HSPBAP1: variants seen among roughly 807,000 people sequenced by gnomAD.
HSPBAP1 encodes HSPB1-associated protein 1.
Under a neutral mutation model 45.2 loss-of-function variants are expected in HSPBAP1, and 27 were observed. The ratio of observed to expected loss-of-function variants is 0.60; its 90% CI spans 0.44 to 0.82. The LOEUF is 0.82. HSPBAP1 is among the 40% of genes least tolerant of loss of function. The pLI, the probability that HSPBAP1 is intolerant of heterozygous loss-of-function variation, is 0.00. For synonymous variants in HSPBAP1, 204 were observed against 202.7 expected (o/e 1.01, Z -0.06); for missense variants, 510 against 590.9 (o/e 0.86, Z 1.42).
chr3:122,768,598 C>T, intron 3 of HSPBAP1, 103 bp downstream of exon 3: 1 of 741,772 alleles, frequency 1.3e-6, no homozygotes, highest in Admixed American at 2.6e-5. Flanking sequence ...ATGGCGATTA[C>T]TTATGAGAGA....
intron 3 of HSPBAP1, among the ~76,000 whole-genome samples, chr3:122,764,191 CAA>C (rs1934694642): frequency 6.6e-6 from 1 of 152,204 alleles, no homozygotes; most frequent in Admixed American, 6.5e-5. Flanking sequence ...TTTATTCCTG[CAA>C]ACTGCTAACA....
chr3:122,781,536 C>G (rs1483308589), intron 1 of HSPBAP1, among the ~76,000 whole-genome samples: 2 of 152,270 alleles, frequency 1.3e-5, no homozygotes, highest in Admixed American at 6.5e-5. Context: ...GCACCAGAGG[C>G]AGACCGTAGG....
intron 6 of HSPBAP1, among the ~76,000 whole-genome samples, chr3:122,747,069 C>T (rs570390116): frequency 1.8e-4 from 27 of 152,232 alleles, no homozygotes; most frequent in Non-Finnish European, 3.1e-4. Context: ...TCTGCCCGGC[C>T]GCCACCCCAT....
At chr3:122,752,570 A>AC in intron 6 of HSPBAP1, 21 bp downstream of exon 6, 3 of 1,500,070 alleles carry the variant, frequency 2.0e-6, no homozygotes, top group Non-Finnish European at 2.7e-6. Context: ...TAAAAAAAAA[A>AC]AAAAAACAAC....
intron 1 of HSPBAP1, among the ~76,000 whole-genome samples, chr3:122,783,861 C>T (rs1185164966): frequency 1.3e-5 from 2 of 150,870 alleles, no homozygotes; most frequent in South Asian, 2.1e-4. Flanking sequence ...GACGGAGTCT[C>T]GCTCTGTCGC....
chr3:122,757,040 G>A (rs972062451), intron 4 of HSPBAP1, among the ~76,000 whole-genome samples: 3 of 152,138 alleles, frequency 2.0e-5, no homozygotes, highest in African/African-American at 7.2e-5. Context: ...GGCTTCTCCA[G>A]ATCCCAGTTC....
chr3:122,740,326 A>G lies in HSPBAP1; in HGVS notation c.*19T>C. On this transcript the variant is annotated 3_prime_UTR_variant, in exon 8 of 8. Coordinates refer to ENST00000306103, the MANE Select transcript of HSPBAP1 (RefSeq NM_024610.6). The stretch of plus-strand genomic sequence containing the variant: ...ATATATTTAAAAAATATTATTTTAA[A>G]AGTCATCTTCCACTTGAATCATAAA... 1 of 1,475,410 alleles carries G rather than the reference A, an allele frequency of 6.8e-7. No individual in the cohort carries two copies. The highest frequency in any genetic ancestry group is 9.1e-7 in the Non-Finnish European group (1 of 1,097,162). 91.4% of individuals were successfully genotyped at this position (1,475,410 alleles called of 1,614,324 possible).
intron 5 of HSPBAP1, chr3:122,754,907 CT>C (rs1934289485): frequency 9.9e-7 from 1 of 1,006,020 alleles, no homozygotes; most frequent in South Asian, 4.7e-5. Flanking sequence ...TGAACAGATA[CT>C]AACTGTGATT....
chr3:122,783,894 G>A (rs1268054296), intron 1 of HSPBAP1, among the ~76,000 whole-genome samples: 1 of 151,920 alleles, frequency 6.6e-6, no homozygotes, highest in Non-Finnish European at 1.5e-5. Context: ...GCAGTGGCGG[G>A]ATCTCGGCTC....
Position 122,740,782 on chromosome 3 carries a change from T to C in HSPBAP1, c.1030A>G (p.Ile344Val). The C allele has an allele frequency of 6.2e-7, 1 of 1,614,144 alleles. No homozygotes were observed. The highest frequency in any genetic ancestry group is 1.1e-5 in the South Asian group (1 of 91,086). Residue 344 changes from isoleucine (I) to valine (V), a missense_variant, in exon 8 of 8, where the codon ATC becomes GTC. By Grantham distance (29) the Ile-to-Val change is conservative. Transcript: ENST00000306103. Reference sequence around the variant, plus strand: ...TCTCCATCTGTTCTCAGTGCTTGGATTTCTACTACCTCAGATGTTCTGCAG... The same window carrying C: ...TCTCCATCTGTTCTCAGTGCTTGGACTTCTACTACCTCAGATGTTCTGCAG... The part of the protein sequence containing the change: ...DRCRTSEVVE[I>V]QALRTDGEHM...
chr3:122,752,667 A>C lies in HSPBAP1; in HGVS notation c.749T>G (p.Phe250Cys). 3 of 1,606,916 alleles carry C rather than the reference A, an allele frequency of 1.9e-6. No homozygotes were observed. Among genetic ancestry groups the C allele is most frequent in the Non-Finnish European group, 1.7e-6 (2 of 1,177,026 alleles). Reference sequence around the variant, plus strand: ...GTAATGCCACCAGTGTCTGGGAACAAAGAGAACCTGAAAACCAAACAAAGA... The same window carrying C: ...GTAATGCCACCAGTGTCTGGGAACACAGAGAACCTGAAAACCAAACAAAGA... The part of the protein sequence containing the change: ...AVTLSPGQVL[F>C]VPRHWWHYVE... The change falls in exon 6 of 8, where the codon TTT becomes TGT. Residue 250 changes from phenylalanine (F) to cysteine (C), a missense_variant. Transcript: ENST00000306103.
At chr3:122,748,303 T>C (rs1310490941) in intron 6 of HSPBAP1, among the ~76,000 whole-genome samples, 1 of 151,994 alleles carries the variant, frequency 6.6e-6, no homozygotes, top group Non-Finnish European at 1.5e-5. Flanking sequence ...CTTGTTTATC[T>C]GCTGACCTTC....
chr3:122,758,263 C>T (rs188476170), intron 4 of HSPBAP1, among the ~76,000 whole-genome samples: 4 of 152,324 alleles, frequency 2.6e-5, no homozygotes, highest in Admixed American at 6.5e-5. Context: ...CATCTGAGTA[C>T]ATCCTCCAAG....
intron 4 of HSPBAP1, among the ~76,000 whole-genome samples, 186 bp downstream of exon 4, chr3:122,759,038 C>T (rs1356021378): frequency 6.6e-6 from 1 of 152,120 alleles, no homozygotes; most frequent in Admixed American, 6.6e-5. Flanking sequence ...TTTAACTGTC[C>T]TCATTTCACA....
intron 4 of HSPBAP1, among the ~76,000 whole-genome samples, chr3:122,756,516 T>A (rs1447213591): frequency 6.6e-6 from 1 of 151,898 alleles, no homozygotes; most frequent in Non-Finnish European, 1.5e-5. Context: ...AACATAGCAA[T>A]ACCTCATCCC....
intron 1 of HSPBAP1, among the ~76,000 whole-genome samples, chr3:122,789,437 T>C (rs893372572): frequency 6.6e-6 from 1 of 152,248 alleles, no homozygotes; most frequent in Admixed American, 6.5e-5. Flanking sequence ...CTATGTATGA[T>C]TCTGAGAGTA....
intron 3 of HSPBAP1, among the ~76,000 whole-genome samples, chr3:122,763,396 C>T (rs1934667434): frequency 6.6e-6 from 1 of 152,050 alleles, no homozygotes; most frequent in South Asian, 2.1e-4. Flanking sequence ...AAAACTTAAT[C>T]AAACTGTTCA....
intron 3 of HSPBAP1, among the ~76,000 whole-genome samples, chr3:122,760,743 CCT>C (rs1387033596): frequency 6.6e-6 from 1 of 152,074 alleles, no homozygotes; most frequent in Non-Finnish European, 1.5e-5. Flanking sequence ...GGAGCTTACC[CCT>C]GTTTTCTCAA....
intron 1 of HSPBAP1, among the ~76,000 whole-genome samples, chr3:122,781,542 G>T (rs957594278): frequency 6.6e-6 from 1 of 151,990 alleles, no homozygotes; most frequent in Non-Finnish European, 1.5e-5. Context: ...GAGGCAGACC[G>T]TAGGAGAGGG....
Sources: allele counts gnomAD v4.1 joint callset (sites outside exome capture counted in the v4.1 genomes callset), GRCh38; gene constraint gnomAD v4.1.1; transcripts MANE v1.5; gene names NCBI Gene and HGNC (gene_info 2026-07-23, HGNC 2026-07-21).